MDGA2: variants seen among roughly 807,000 people sequenced by gnomAD.
MDGA2 encodes MAM domain-containing glycosylphosphatidylinositol anchor protein 2.
Under a neutral mutation model 117.8 loss-of-function variants are expected in MDGA2, and 40 were observed. The observed-to-expected ratio is 0.34, with a 90% CI of 0.26 to 0.44. The LOEUF (loss-of-function observed/expected upper bound fraction) is 0.44, where lower values mean the gene tolerates loss of function less well. Ranked by LOEUF, MDGA2 falls within the 20% of genes least tolerant of loss-of-function variation. MDGA2 has a pLI of 1.00. For synonymous variants in MDGA2, 452 were observed against 439.0 expected (o/e 1.03, Z -0.37); for missense variants, 1,123 against 1,250.6 (o/e 0.90, Z 1.54).
chr14:47,091,852 A>C (rs1364847821), intron 6 of MDGA2, among the ~76,000 whole-genome samples: 1 of 152,088 alleles, frequency 6.6e-6, no homozygotes, highest in African/African-American at 2.4e-5. Context: ...TAGTAACCTT[A>C]GCAGCCACAA....
chr14:47,175,747 G>A (rs945699805), intron 3 of MDGA2, among the ~76,000 whole-genome samples: 1 of 145,940 alleles, frequency 6.9e-6, no homozygotes, highest in African/African-American at 2.6e-5. Context: ...CACAAGACAG[G>A]GATGCCCTCT....
intron 10 of MDGA2, among the ~76,000 whole-genome samples, chr14:46,898,938 AAAGAAAACAC>A (rs1259452955): frequency 6.6e-6 from 1 of 152,130 alleles, no homozygotes; most frequent in Non-Finnish European, 1.5e-5. Flanking sequence ...TATTAATTAA[AAAGAAAACAC>A]AAGAAAAACT....
chr14:46,866,456 C>T (rs1424402774), intron 14 of MDGA2, among the ~76,000 whole-genome samples: 6 of 152,176 alleles, frequency 3.9e-5, no homozygotes, highest in Non-Finnish European at 7.3e-5. Flanking sequence ...AAAACCTAGG[C>T]ATTACCATTC....
chr14:47,253,318 C>T (rs1887509602), intron 2 of MDGA2, among the ~76,000 whole-genome samples: 2 of 152,192 alleles, frequency 1.3e-5, no homozygotes, highest in African/African-American at 2.4e-5. Context: ...AGGCAAGTCC[C>T]TTCCTCCTAT....
intron 2 of MDGA2, among the ~76,000 whole-genome samples, chr14:47,263,046 G>A (rs376250688): frequency 6.6e-6 from 1 of 152,008 alleles, no homozygotes; most frequent in East Asian, 1.9e-4. Context: ...ATCGGGCTGT[G>A]GGGTAGATCC....
intron 1 of MDGA2, among the ~76,000 whole-genome samples, chr14:47,488,374 G>A (rs1373530270): frequency 6.6e-6 from 1 of 152,100 alleles, no homozygotes; most frequent in Non-Finnish European, 1.5e-5. Context: ...TCATGCACCA[G>A]ATTCAGGGAA....
chr14:47,604,487 A>ACCCCCCCCCCCCCCCCC (rs60602833), intron 1 of MDGA2, among the ~76,000 whole-genome samples: 26 of 92,040 alleles, frequency 2.8e-4, no homozygotes, highest in Non-Finnish European at 4.4e-4. Flanking sequence ...CAGCTTCCCC[A>ACCCCCCCCCCCCCCCCC]CCCCCCCCCA....
At chr14:47,048,651 A>G (rs748205135) in intron 7 of MDGA2, among the ~76,000 whole-genome samples, 4 of 152,048 alleles carry the variant, frequency 2.6e-5, no homozygotes, top group Non-Finnish European at 5.9e-5. Flanking sequence ...TTTGACATAA[A>G]ACGAAGCTGG....
intron 1 of MDGA2, among the ~76,000 whole-genome samples, chr14:47,308,335 ATTACT>A (rs1234799055): frequency 6.6e-6 from 1 of 152,174 alleles, no homozygotes; most frequent in African/African-American, 2.4e-5. Context: ...GCAAAGAATA[ATTACT>A]TTAATCATAA....
intron 8 of MDGA2, among the ~76,000 whole-genome samples, chr14:47,020,427 G>A (rs564750921): frequency 6.6e-6 from 1 of 152,232 alleles, no homozygotes; most frequent in African/African-American, 2.4e-5. Flanking sequence ...AAAAAAGATC[G>A]GGAATGTCTT....
intron 1 of MDGA2, among the ~76,000 whole-genome samples, chr14:47,413,669 G>GT (rs1440297799): frequency 1.1e-4 from 12 of 113,182 alleles, no homozygotes; most frequent in East Asian, 2.3e-4. Flanking sequence ...AATAGTTTTT[G>GT]GTTTTTTTTT....
intron 1 of MDGA2, among the ~76,000 whole-genome samples, chr14:47,618,292 A>G (rs911449205): frequency 1.3e-5 from 2 of 152,238 alleles, no homozygotes; most frequent in Non-Finnish European, 2.9e-5. Context: ...TTGCAGATGC[A>G]AAATTCAGAA....
intron 6 of MDGA2, among the ~76,000 whole-genome samples, chr14:47,090,374 T>C (rs1879579442): frequency 8.7e-6 from 1 of 114,806 alleles, no homozygotes; most frequent in African/African-American, 3.2e-5. Context: ...GACTCTTAGA[T>C]CCTATCCACA....
intron 1 of MDGA2, among the ~76,000 whole-genome samples, chr14:47,341,699 A>T (rs1890627512): frequency 6.6e-6 from 1 of 152,140 alleles, no homozygotes; most frequent in East Asian, 1.9e-4. Context: ...TCCTTTCCCT[A>T]GAAGTAATTG....
intron 5 of MDGA2, among the ~76,000 whole-genome samples, chr14:47,100,719 G>A (rs148567856): frequency 1.2e-3 from 179 of 152,244 alleles, no homozygotes; most frequent in African/African-American, 4.1e-3. Context: ...AATGAAAAAG[G>A]TGAAATACGT....
intron 1 of MDGA2, among the ~76,000 whole-genome samples, chr14:47,370,706 T>G (rs1178351081): frequency 6.6e-6 from 1 of 151,558 alleles, no homozygotes; most frequent in Non-Finnish European, 1.5e-5. Flanking sequence ...TTTCTCTTTT[T>G]GCTCTGTCAG....
intron 1 of MDGA2, among the ~76,000 whole-genome samples, chr14:47,333,877 A>G (rs534246506): frequency 6.6e-6 from 1 of 151,972 alleles, no homozygotes; most frequent in African/African-American, 2.4e-5. Context: ...TATTTGTAGT[A>G]GTAGTTTTAT....
intron 1 of MDGA2, among the ~76,000 whole-genome samples, chr14:47,344,901 T>C (rs1309445036): frequency 6.6e-6 from 1 of 151,748 alleles, no homozygotes. Context: ...GTTTATGACA[T>C]ACACAAAATC....
At chr14:47,357,571 G>T (rs1891022899) in intron 1 of MDGA2, among the ~76,000 whole-genome samples, 1 of 152,148 alleles carries the variant, frequency 6.6e-6, no homozygotes. Flanking sequence ...ACACAGAATG[G>T]CTGCATTCCT....
Sources: allele counts gnomAD v4.1 joint callset (sites outside exome capture counted in the v4.1 genomes callset), GRCh38; gene constraint gnomAD v4.1.1; transcripts MANE v1.5; gene names NCBI Gene and HGNC (gene_info 2026-07-23, HGNC 2026-07-21).